ZNF181: variants seen among roughly 807,000 people sequenced by gnomAD.
ZNF181 encodes the protein zinc finger protein 181 (HHZ181).
A neutral mutation model predicts 11.9 loss-of-function variants in ZNF181; 8 were observed. That is an observed-to-expected ratio of 0.67 (90% confidence interval 0.39 to 1.21). ZNF181 has a LOEUF of 1.21. ZNF181 is among the 50% of genes most tolerant of loss of function. The pLI is 0.01. For synonymous variants in ZNF181, 202 were observed against 221.1 expected (o/e 0.91, Z 0.77); for missense variants, 542 against 670.9 (o/e 0.81, Z 2.12).
chr19:34,735,015 T>C lies in ZNF181; in HGVS notation c.-23T>C, dbSNP rs1417586754. Reference sequence around the variant, plus strand: ...TAAGAGCCTGGAAAGAGGACTCTGTTGGCTGTTGGAAATTGCAGAGTAATG... The same window carrying C: ...TAAGAGCCTGGAAAGAGGACTCTGTCGGCTGTTGGAAATTGCAGAGTAATG... On this transcript the variant is annotated 5_prime_UTR_variant, in exon 1 of 4. Coordinates refer to ENST00000492450, the MANE Select transcript of ZNF181 (RefSeq NM_001029997.4). 6.3e-7 allele frequency: 1 copy of C among 1,576,746 alleles called. No individual in the cohort carries two copies. The highest frequency in any genetic ancestry group is 1.8e-5 in the Admixed American group (1 of 54,144).
intron 1 of ZNF181, chr19:34,736,111 T>G (rs1271203607): frequency 1.1e-5 from 8 of 702,870 alleles, no homozygotes; most frequent in Middle Eastern, 2.3e-4. Flanking sequence ...ACCAAATAGA[T>G]GCTTAGTAAG....
Position 34,744,499 on chromosome 19 carries a change from T to TA in ZNF181, c.*2413dup, listed in dbSNP as rs61187756. The TA allele has an allele frequency of 3.7e-3, 541 of 147,730 alleles. 3 individuals are homozygous for TA. Among genetic ancestry groups the TA allele is most frequent in the East Asian group, 0.022 (114 of 5,068 alleles). The allele number at this position is 147,730 out of a possible 1,614,324, so 9.2% of individuals were successfully genotyped here. Reference sequence around the variant, plus strand: ...AATATAGCAAAACTCATTAGTCTGTTAAAAAAAAAAATTACCCAGGTGTAG... The same window carrying TA: ...AATATAGCAAAACTCATTAGTCTGTTAAAAAAAAAAAATTACCCAGGTGTAG... On this transcript the variant is annotated 3_prime_UTR_variant, in exon 4 of 4. Transcript: ENST00000492450.
At chr19:34,736,540 T>C (rs2068892255) in intron 1 of ZNF181, among the ~76,000 whole-genome samples, 1 of 152,208 alleles carries the variant, frequency 6.6e-6, no homozygotes. Context: ...CAGGACTTCA[T>C]GATCTAGTGC....
At position 34,740,495 on chromosome 19, in the gene ZNF181, A is replaced by G. The variant is rs187145054; in HGVS notation, c.230-116A>G. 18 of 999,838 alleles carry G rather than the reference A, an allele frequency of 1.8e-5. No individual in the cohort carries two copies. In the East Asian group the frequency reaches 3.6e-4, roughly 20 times the overall value. 61.9% of individuals were successfully genotyped at this position (999,838 alleles called of 1,614,324 possible). The stretch of plus-strand genomic sequence containing the variant: ...TTGAAATATTTCAGTTGTCAGAACT[A>G]TGTGTTTTCTGGGGGCTTCATTTCT... On this transcript the variant is annotated intron_variant, in intron 3 of 3. Coordinates refer to ENST00000492450, the MANE Select transcript of ZNF181 (RefSeq NM_001029997.4).
At position 34,743,794 on chromosome 19, in the gene ZNF181, AAT is replaced by A. The variant is rs1280618984; in HGVS notation, c.*1702_*1703del. ...AATTTTGAAAGCACTAATTTGCAGC[AAT>A]ATATGTCTTGAAATAGTTAAGAGAG... is the stretch of plus-strand genomic sequence containing the variant. On this transcript the variant is annotated 3_prime_UTR_variant, in exon 4 of 4. Transcript: ENST00000492450. 6.6e-6 allele frequency: 1 copy of A among 152,232 alleles called. No homozygotes were observed. The highest frequency in any genetic ancestry group is 2.4e-5 in the African/African-American group (1 of 41,456). 9.4% of individuals were successfully genotyped at this position (152,232 alleles called of 1,614,324 possible). A position where few individuals can be genotyped will look rare whatever the true frequency, so the allele number is the denominator to read the frequency against.
At position 34,741,289 on chromosome 19, in the gene ZNF181, G is replaced by T. The variant is rs758925616; in HGVS notation, c.908G>T (p.Ser303Ile). 3 of 1,613,932 alleles carry T rather than the reference G, an allele frequency of 1.9e-6. No homozygotes were observed. The highest frequency in any genetic ancestry group is 3.3e-5 in the Admixed American group (2 of 60,004). ...TGTATTGAATGTGGGAAGGCCTTTA[G>T]CCATGTCTCATCACTTACTAACCAT... Reference protein sequence around the residue: ...YKCIECGKAFSHVSSLTNHQS... With the variant: ...YKCIECGKAFIHVSSLTNHQS... Residue 303 changes from serine (S) to isoleucine (I), a missense_variant, in exon 4 of 4, where the codon AGC (serine) becomes ATC (isoleucine). Transcript: ENST00000492450.
At chr19:34,737,844 A>C (rs2068909420) in intron 1 of ZNF181, among the ~76,000 whole-genome samples, 2 of 152,152 alleles carry the variant, frequency 1.3e-5, no homozygotes, top group Non-Finnish European at 2.9e-5. Context: ...CACAGTAGGG[A>C]TTGCGCTCCT....
intron 1 of ZNF181, among the ~76,000 whole-genome samples, chr19:34,736,369 A>G (rs1197322789): frequency 6.6e-6 from 1 of 152,204 alleles, no homozygotes; most frequent in African/African-American, 2.4e-5. Flanking sequence ...GGCTGCAGTG[A>G]GCTATGATTA....
rs1253252995 is a variant in ZNF181, at chr19:34,745,096, T to A, written c.*2999T>A. On this transcript the variant is annotated 3_prime_UTR_variant, in exon 4 of 4. Coordinates refer to ENST00000492450, the MANE Select transcript of ZNF181 (RefSeq NM_001029997.4). ...ATGATAGAAGGTTGGGCTGATGTCA[T>A]AATGATGTTATGATGTCACTGACAT... 6.6e-6 allele frequency: 1 copy of A among 152,214 alleles called. No homozygotes were observed. The highest frequency in any genetic ancestry group is 1.9e-4 in the East Asian group (1 of 5,200). The allele number at this position is 152,214 out of a possible 1,614,324, so 9.4% of individuals were successfully genotyped here.
Position 34,734,641 on chromosome 19 carries a change from A to G in ZNF181, c.-397A>G, listed in dbSNP as rs2068860774. 1 of 208,852 alleles carries G rather than the reference A, an allele frequency of 4.8e-6. No individual in the cohort carries two copies. Among genetic ancestry groups the G allele is most frequent in the African/African-American group, 2.3e-5 (1 of 43,246 alleles). The allele number at this position is 208,852 out of a possible 1,614,324, so 12.9% of individuals were successfully genotyped here. On this transcript the variant is annotated 5_prime_UTR_variant, in exon 1 of 4. Transcript: ENST00000492450. ...GTAACCTTGAACAAATGGGTTCAGTATCTTGGAATTTCAGTTTTGTCATCG... is the reference window on the plus strand; with the variant it reads ...GTAACCTTGAACAAATGGGTTCAGTGTCTTGGAATTTCAGTTTTGTCATCG...
chr19:34,740,494 T>A, intron 3 of ZNF181, 117 bp from the exon 4 acceptor site: 2 of 1,000,078 alleles, frequency 2.0e-6, no homozygotes, highest in Non-Finnish European at 3.0e-6. Flanking sequence ...TTGTCAGAAC[T>A]ATGTGTTTTC....
chr19:34,734,897 T>A lies in ZNF181; in HGVS notation c.-141T>A, dbSNP rs780255304. On this transcript the variant is annotated 5_prime_UTR_variant, in exon 1 of 4. An upstream start codon of the reference 5' UTR is lost. Coordinates refer to ENST00000492450, the MANE Select transcript of ZNF181 (RefSeq NM_001029997.4). The stretch of plus-strand genomic sequence containing the variant: ...TGATTACCAGTGTGCCTTTCCATTA[T>A]GGTGTGTCACAGGTGCCGCAAGATA... The A allele has an allele frequency of 2.6e-6, 2 of 770,698 alleles. No homozygotes were observed. The highest frequency in any genetic ancestry group is 4.2e-6 in the Non-Finnish European group (2 of 473,030). The allele number at this position is 770,698 out of a possible 1,614,324, so 47.7% of individuals were successfully genotyped here.
Position 34,734,897 on chromosome 19 carries a change from T to C in ZNF181, c.-141T>C, listed in dbSNP as rs780255304. 1.3e-6 allele frequency: 1 copy of C among 770,816 alleles called. No homozygotes were observed. Among genetic ancestry groups the C allele is most frequent in the Non-Finnish European group, 2.1e-6 (1 of 473,022 alleles). 47.7% of individuals were successfully genotyped at this position (770,816 alleles called of 1,614,324 possible). ...TGATTACCAGTGTGCCTTTCCATTA[T>C]GGTGTGTCACAGGTGCCGCAAGATA... On this transcript the variant is annotated 5_prime_UTR_variant, in exon 1 of 4. An upstream start codon of the reference 5' UTR is lost. Transcript: ENST00000492450.
intron 1 of ZNF181, among the ~76,000 whole-genome samples, chr19:34,736,813 C>A (rs1192274331): frequency 1.3e-5 from 2 of 152,134 alleles, no homozygotes; most frequent in African/African-American, 2.4e-5. Flanking sequence ...AAAATAAATG[C>A]CAGGACAGAT....
In ZNF181 at chr19:34,740,133, C is replaced by G. The variant is rs146052482; in HGVS notation, c.230-478C>G. ...AACTTCAGAAAGCCTAAATCTTTGTCAGCTATAAAGAGCATTTAGATTATT... is the reference window on the plus strand; with the variant it reads ...AACTTCAGAAAGCCTAAATCTTTGTGAGCTATAAAGAGCATTTAGATTATT... On this transcript the variant is annotated intron_variant, in intron 3 of 3. Transcript: ENST00000492450. Among the ~76,000 whole-genome samples, 134 of 152,274 alleles carry G rather than the reference C, an allele frequency of 8.8e-4. 1 individual carries two copies. The East Asian group carries it at 0.017, about 19-fold the overall frequency.
At chr19:34,737,932 C>T (rs1190591609) in intron 1 of ZNF181, among the ~76,000 whole-genome samples, 2 of 152,142 alleles carry the variant, frequency 1.3e-5, no homozygotes, top group East Asian at 3.9e-4. Flanking sequence ...CCACTCATCT[C>T]CTGCTCTGTG....
At chr19:34,735,706 A>G (rs2068877621) in intron 1 of ZNF181, among the ~76,000 whole-genome samples, 1 of 152,168 alleles carries the variant, frequency 6.6e-6, no homozygotes, top group African/African-American at 2.4e-5. Flanking sequence ...TATTTGTACA[A>G]TTAGGCCATT....
intron 1 of ZNF181, 108 bp from the exon 2 acceptor site, chr19:34,739,040 C>A: frequency 6.6e-7 from 1 of 1,515,582 alleles, no homozygotes; most frequent in Middle Eastern, 1.8e-4. Flanking sequence ...ATTGCCACAA[C>A]TCCTGAATCT....
chr19:34,736,292 A>C (rs911160075), intron 1 of ZNF181: 4 of 646,568 alleles, frequency 6.2e-6, no homozygotes, highest in Admixed American at 4.7e-5. Context: ...GTGGTGGTAC[A>C]TGCCTGTTTT....
Sources: allele counts gnomAD v4.1 joint callset (sites outside exome capture counted in the v4.1 genomes callset), GRCh38; gene constraint gnomAD v4.1.1; transcripts MANE v1.5; gene names NCBI Gene and HGNC (gene_info 2026-07-23, HGNC 2026-07-21).